Variants in JAK3 observed in about 807,000 individuals in gnomAD.
JAK3 encodes the protein Janus kinase 3, also known as tyrosine-protein kinase JAK3.
Under a neutral mutation model 120.8 loss-of-function variants are expected in JAK3, and 88 were observed. The ratio of observed to expected loss-of-function variants is 0.73; its 90% CI spans 0.61 to 0.87. JAK3 has a LOEUF of 0.87. JAK3 is among the 40% of genes least tolerant of loss of function. The probability of loss-of-function intolerance (pLI) is 0.00; values close to 1 mark genes in which losing one functional copy is unlikely to be tolerated. For missense variants in JAK3, 1,254 were observed against 1,501.4 expected (o/e 0.84, Z 2.72); for synonymous variants, 592 against 628.6 (o/e 0.94, Z 0.87).
intron 11 of JAK3, 62 bp downstream of exon 11, chr19:17,838,201 C>T: frequency 6.2e-7 from 1 of 1,611,452 alleles, no homozygotes; most frequent in Admixed American, 1.7e-5. Flanking sequence ...ATGCCTGAGG[C>T]CACGCATCTG....
In JAK3 at chr19:17,831,514, A is replaced by C; in HGVS notation, c.2806-114T>G. The stretch of plus-strand genomic sequence containing the variant: ...CCAACTATAACCCTACCCCCGAGCC[A>C]TCCTCCACTGAAGTTCTGATCCTGA... On this transcript the variant is annotated intron_variant, in intron 20 of 23. Transcript: ENST00000458235. This position sits in a 1 kb window ranked among gnomAD's most constrained non-coding sequence, Gnocchi z 5.1. The C allele has an allele frequency of 1.3e-6, 2 of 1,516,402 alleles. No individual in the cohort carries two copies. The highest frequency in any genetic ancestry group is 1.8e-6 in the Non-Finnish European group (2 of 1,119,826). 93.9% of individuals were successfully genotyped at this position (1,516,402 alleles called of 1,614,324 possible).
rs1395792682 is a variant in JAK3, at chr19:17,842,269, G to A, written c.861+47C>T. 1.0e-5 allele frequency: 13 copies of A among 1,258,470 alleles called. No individual in the cohort carries two copies. The highest frequency in any genetic ancestry group is 1.4e-5 in the Non-Finnish European group (13 of 934,658). 78.0% of individuals were successfully genotyped at this position (1,258,470 alleles called of 1,614,324 possible). ...CTACCACTCTCCGGCCCCTCCCCGAGCCCCGCCCCCACGTTGGCCCCGCCC... is the reference window on the plus strand; with the variant it reads ...CTACCACTCTCCGGCCCCTCCCCGAACCCCGCCCCCACGTTGGCCCCGCCC... On this transcript the variant is annotated intron_variant, in intron 6 of 23. Transcript: ENST00000458235. This position sits in a 1 kb window ranked among gnomAD's most constrained non-coding sequence, Gnocchi z 6.4.
chr19:17,832,748 T>A lies in JAK3; in HGVS notation c.2491-40A>T, dbSNP rs1399302193. The A allele has an allele frequency of 6.2e-7, 1 of 1,614,090 alleles. No individual in the cohort carries two copies. The highest frequency in any genetic ancestry group is 1.7e-5 in the Admixed American group (1 of 60,002). ...GACTGATGTCCAGGCACCTGGATGC[T>A]GCCCTGCCCTCTCCAACCCACCCTG... On this transcript the variant is annotated intron_variant, in intron 18 of 23. Transcript: ENST00000458235. This position sits in a 1 kb window ranked among gnomAD's most constrained non-coding sequence, Gnocchi z 4.7.
In JAK3 at chr19:17,831,476, C is replaced by T; in HGVS notation, c.2806-76G>A. 1.9e-6 allele frequency: 3 copies of T among 1,579,174 alleles called. No homozygotes were observed. Among genetic ancestry groups the T allele is most frequent in the Non-Finnish European group, 1.7e-6 (2 of 1,163,788 alleles). On this transcript the variant is annotated intron_variant, in intron 20 of 23. Transcript: ENST00000458235. The surrounding 1 kb of genome is among the most constrained non-coding windows in gnomAD (Gnocchi z 5.1). ...AGGTACCCCAAGCGTGACCTGGCAC[C>T]CCAACCCAGACCCCAACTATAACCC...
chr19:17,825,900 C>CAAAAAA lies in JAK3; in HGVS notation c.*837_*842dup, dbSNP rs34803277. ...TGGGCGACAGAGCGAGACTCCGTCT[C>CAAAAAA]AAAAAAAAAAAAAAAAAAAAAGCTA... is the stretch of plus-strand genomic sequence containing the variant. On this transcript the variant is annotated 3_prime_UTR_variant, in exon 24 of 24. Transcript: ENST00000458235. 3.8e-5 allele frequency: 2 copies of CAAAAAA among 52,828 alleles called. No individual in the cohort carries two copies. Among genetic ancestry groups the CAAAAAA allele is most frequent in the Non-Finnish European group, 7.2e-5 (2 of 27,812 alleles). 3.3% of individuals were successfully genotyped at this position (52,828 alleles called of 1,614,324 possible).
rs375811862 is a variant in JAK3, at chr19:17,831,005, C to A, written c.2978+223G>T. 2.9e-4 allele frequency among the ~76,000 whole-genome samples: 20 copies of A among 68,252 alleles called. No individual in the cohort carries two copies. Among genetic ancestry groups the A allele is most frequent in the African/African-American group, 1.2e-3 (20 of 16,590 alleles). 44.8% of individuals were successfully genotyped at this position (68,252 alleles called of 152,430 possible). A position where few individuals can be genotyped will look rare whatever the true frequency, so the allele number is the denominator to read the frequency against. On this transcript the variant is annotated intron_variant, in intron 21 of 23. Coordinates refer to ENST00000458235, the MANE Select transcript of JAK3 (RefSeq NM_000215.4). This position sits in a 1 kb window ranked among gnomAD's most constrained non-coding sequence, Gnocchi z 5.1. ...GGCGGGGCGAGAGCTGAGAGAAGGG[C>A]GGGGCTAAGGCTGGGGGCCGCTGAC...
chr19:17,826,729 T>C lies in JAK3; in HGVS notation c.*14A>G, dbSNP rs2094204554. On this transcript the variant is annotated 3_prime_UTR_variant, in exon 24 of 24. Transcript: ENST00000458235. ...AGTCAACAGAGACCTAATCCAGAGG[T>C]CTGCGGGCAGGAGCTATGAAAAGGA... 1.2e-6 allele frequency: 2 copies of C among 1,613,708 alleles called. No homozygotes were observed. The highest frequency in any genetic ancestry group is 2.7e-5 in the African/African-American group (2 of 74,882).
rs1339551153 is a variant in JAK3, at chr19:17,838,394, T to C, written c.1442-4A>G. On this transcript the variant is annotated splice_region_variant and splice_polypyrimidine_tract_variant and intron_variant, in intron 10 of 23. Transcript: ENST00000458235. The stretch of plus-strand genomic sequence containing the variant: ...ACCACGATCAGGTTGGACTTTTCTA[T>C]GGGGAGAGGATGAGGGAGAAAAACC... 1.2e-6 allele frequency: 2 copies of C among 1,614,058 alleles called. No homozygotes were observed. The highest frequency in any genetic ancestry group is 8.5e-7 in the Non-Finnish European group (1 of 1,180,016).
chr19:17,835,062 C>T, intron 15 of JAK3, 21 bp downstream of exon 15: 1 of 1,614,180 alleles, frequency 6.2e-7, no homozygotes, highest in African/African-American at 1.3e-5. Flanking sequence ...GCCCCTCCCT[C>T]CTCCACCTCC....
chr19:17,837,247 G>A (rs1205429844), intron 12 of JAK3, 34 bp from the exon 13 acceptor site: 2 of 1,511,932 alleles, frequency 1.3e-6, no homozygotes, highest in Non-Finnish European at 1.8e-6. Flanking sequence ...AAGATGCGTG[G>A]GTTTCTTCCA....
intron 14 of JAK3, 135 bp from the exon 15 acceptor site, chr19:17,835,350 C>T (rs1332794789): frequency 8.3e-7 from 1 of 1,200,486 alleles, no homozygotes; most frequent in Non-Finnish European, 1.2e-6. Flanking sequence ...TGACTCCTGA[C>T]ATCCTGTCTT....
chr19:17,844,452 C>A (rs202059985), intron 1 of JAK3, 22 bp from the exon 2 acceptor site: 23 of 1,584,714 alleles, frequency 1.5e-5, no homozygotes, highest in African/African-American at 2.7e-5. Context: ...AGAGAAAAAG[C>A]CCCTCAGTCC....
intron 23 of JAK3, among the ~76,000 whole-genome samples, chr19:17,827,710 TC>T (rs1368490003): frequency 2.1e-5 from 2 of 95,218 alleles, no homozygotes; most frequent in African/African-American, 9.0e-5. Flanking sequence ...AGAAACCCCA[TC>T]TTAACTAAAA....
intron 13 of JAK3, 123 bp from the exon 14 acceptor site, chr19:17,836,174 C>G (rs1020678369): frequency 1.8e-6 from 2 of 1,136,820 alleles, no homozygotes; most frequent in Non-Finnish European, 2.6e-6. Flanking sequence ...CCCTCCCCTG[C>G]TGCCTCTGTT....
chr19:17,827,499 C>T (rs1438490541), intron 23 of JAK3, among the ~76,000 whole-genome samples: 2 of 151,612 alleles, frequency 1.3e-5, no homozygotes, highest in East Asian at 2.0e-4. Context: ...ATGCACACAC[C>T]GCCACACCTG....
chr19:17,843,639 A>G lies in JAK3; in HGVS notation c.308+138T>C, dbSNP rs112243604. On this transcript the variant is annotated intron_variant, in intron 3 of 23. Coordinates refer to ENST00000458235, the MANE Select transcript of JAK3 (RefSeq NM_000215.4). This position sits in a 1 kb window ranked among gnomAD's most constrained non-coding sequence, Gnocchi z 5.4. ...CTTGCTGTGTGACCTTGGGCAAGTG[A>G]CCCACCCTCTCTGGTCTGTTTCCTC... The G allele has an allele frequency of 9.2e-6, 12 of 1,302,482 alleles. No homozygotes were observed. The highest frequency in any genetic ancestry group is 8.7e-5 in the African/African-American group (6 of 68,708). The allele number at this position is 1,302,482 out of a possible 1,614,324, so 80.7% of individuals were successfully genotyped here. A position where few individuals can be genotyped will look rare whatever the true frequency, so the allele number is the denominator to read the frequency against.
rs1336882670 is a variant in JAK3, at chr19:17,841,582, G to A, written c.985-36C>T. ...CAAGCGTCAGAGCCCAGTGAAACCCGAGGGTGCCGGTCCCGCCCTCGGGGT... is the reference window on the plus strand; with the variant it reads ...CAAGCGTCAGAGCCCAGTGAAACCCAAGGGTGCCGGTCCCGCCCTCGGGGT... On this transcript the variant is annotated intron_variant, in intron 7 of 23. Transcript: ENST00000458235. This position sits in a 1 kb window ranked among gnomAD's most constrained non-coding sequence, Gnocchi z 4.1. The A allele has an allele frequency of 1.2e-6, 2 of 1,609,060 alleles. No individual in the cohort carries two copies. The highest frequency in any genetic ancestry group is 2.7e-5 in the African/African-American group (2 of 74,850).
At chr19:17,827,410 C>T (rs1243219223) in intron 23 of JAK3, among the ~76,000 whole-genome samples, 1 of 148,176 alleles carries the variant, frequency 6.7e-6, no homozygotes, top group African/African-American at 2.5e-5. Context: ...TGCAGTGGTG[C>T]GATCTCGGCT....
intron 14 of JAK3, 123 bp downstream of exon 14, chr19:17,835,801 T>A: frequency 8.2e-7 from 1 of 1,213,528 alleles, no homozygotes; most frequent in East Asian, 2.5e-5. Flanking sequence ...GAACCTAAAA[T>A]GCCCTCCCCT....
Sources: gnomAD v4.1 joint callset for allele counts (sites outside exome capture counted in the v4.1 genomes callset) on GRCh38, gnomAD v4.1.1 for gene constraint, Gnocchi (gnomAD v3.1) non-coding constraint, MANE v1.5 for transcripts, NCBI Gene and HGNC (gene_info 2026-07-23, HGNC 2026-07-21) for gene names.